The following CCDC192 variants were observed in gnomAD, a reference collection of about 807,000 sequenced individuals.
CCDC192 encodes coiled-coil domain containing 192.
At chr5:127,786,668 TC>T in intron 3 of CCDC192, 1 of 760,842 alleles carries the variant, frequency 1.3e-6, no homozygotes, top group Non-Finnish European at 2.5e-6. Flanking sequence ...TGCTTGAAAA[TC>T]AGTAATCTTC....
chr5:127,913,532 C>A (rs1206427432), intron 6 of CCDC192, among the ~76,000 whole-genome samples: 5 of 152,168 alleles, frequency 3.3e-5, no homozygotes, highest in African/African-American at 1.2e-4. Flanking sequence ...GAAGTGAGAT[C>A]AGATTTTTAA....
At chr5:127,878,665 A>G (rs1218353711) in intron 6 of CCDC192, among the ~76,000 whole-genome samples, 1 of 152,144 alleles carries the variant, frequency 6.6e-6, no homozygotes, top group Non-Finnish European at 1.5e-5. Flanking sequence ...CAAAAAATAA[A>G]ATGAAATTGC....
chr5:127,762,859 T>C (rs947076146), intron 3 of CCDC192, among the ~76,000 whole-genome samples: 10 of 152,218 alleles, frequency 6.6e-5, no homozygotes, highest in African/African-American at 2.2e-4. Flanking sequence ...ACAAATAAAT[T>C]AGTAAGTTAG....
intron 5 of CCDC192, among the ~76,000 whole-genome samples, chr5:127,825,723 G>T (rs1479453817): frequency 6.6e-6 from 1 of 152,182 alleles, no homozygotes; most frequent in East Asian, 1.9e-4. Context: ...GAGGGCCAAA[G>T]ATTTTTACTA....
intron 1 of CCDC192, among the ~76,000 whole-genome samples, chr5:127,703,988 T>C (rs1750821333): frequency 6.6e-6 from 1 of 152,274 alleles, no homozygotes; most frequent in Non-Finnish European, 1.5e-5. Context: ...CTCTAATTGA[T>C]CTGCATTTAA....
chr5:127,890,533 C>T (rs1373718211), intron 6 of CCDC192, among the ~76,000 whole-genome samples: 1 of 151,788 alleles, frequency 6.6e-6, no homozygotes, highest in African/African-American at 2.4e-5. Context: ...TTCATCTAGC[C>T]ATCTAGAGCT....
intron 6 of CCDC192, among the ~76,000 whole-genome samples, chr5:127,935,741 A>G (rs1189337138): frequency 2.6e-5 from 4 of 152,166 alleles, no homozygotes; most frequent in Admixed American, 6.5e-5. Flanking sequence ...TAACTCATTG[A>G]TTACAATTGG....
intron 6 of CCDC192, among the ~76,000 whole-genome samples, chr5:127,909,630 GA>G (rs529431358): frequency 1.8e-4 from 27 of 148,214 alleles, no homozygotes; most frequent in African/African-American, 2.7e-4. Flanking sequence ...CTAGTTAATG[GA>G]AAAAAAAAAC....
At chr5:127,791,361 T>C (rs1268660205) in intron 3 of CCDC192, among the ~76,000 whole-genome samples, 1 of 152,210 alleles carries the variant, frequency 6.6e-6, no homozygotes. Flanking sequence ...GGTACTGATA[T>C]ATTTTGGAAT....
intron 5 of CCDC192, among the ~76,000 whole-genome samples, chr5:127,847,030 C>G (rs1750584643): frequency 6.6e-6 from 1 of 152,146 alleles, no homozygotes; most frequent in South Asian, 2.1e-4. Flanking sequence ...CATCATCAAA[C>G]CAGTGTTATT....
At chr5:127,834,985 C>A (rs1191960065) in intron 5 of CCDC192, among the ~76,000 whole-genome samples, 2 of 152,006 alleles carry the variant, frequency 1.3e-5, no homozygotes, top group African/African-American at 4.8e-5. Flanking sequence ...TGAAATGGTT[C>A]CAAAACATTT....
intron 5 of CCDC192, among the ~76,000 whole-genome samples, chr5:127,802,681 A>T (rs1307190644): frequency 6.6e-6 from 1 of 152,180 alleles, no homozygotes; most frequent in East Asian, 1.9e-4. Context: ...CAAGAGAATG[A>T]TCTGATGCAG....
intron 3 of CCDC192, among the ~76,000 whole-genome samples, chr5:127,780,434 C>T (rs1043269301): frequency 6.6e-6 from 1 of 152,208 alleles, no homozygotes; most frequent in East Asian, 1.9e-4. Context: ...TTTACATTCT[C>T]ACCAGCAGTG....
At chr5:127,854,102 G>A (rs1178785955) in intron 5 of CCDC192, among the ~76,000 whole-genome samples, 2 of 152,118 alleles carry the variant, frequency 1.3e-5, no homozygotes, top group Admixed American at 6.5e-5. Flanking sequence ...TGGGTTCCAG[G>A]TCATAACACT....
intron 5 of CCDC192, among the ~76,000 whole-genome samples, chr5:127,847,849 A>ATAAG (rs1244261607): frequency 3.3e-5 from 5 of 151,262 alleles, no homozygotes; most frequent in South Asian, 4.2e-4. Flanking sequence ...AAATAAATAA[A>ATAAG]TAAATACATA....
At chr5:127,847,978 G>A (rs1750636864) in intron 5 of CCDC192, among the ~76,000 whole-genome samples, 1 of 151,978 alleles carries the variant, frequency 6.6e-6, no homozygotes. Context: ...TGTATTTTCA[G>A]TAGAGACAGG....
At chr5:127,784,475 G>A (rs534954203) in intron 3 of CCDC192, 97 of 331,192 alleles carry the variant, frequency 2.9e-4, no homozygotes, top group African/African-American at 2.0e-3. Flanking sequence ...TCTGAGACCA[G>A]CTGATGGGAG....
chr5:127,875,081 A>C (rs1934828209), intron 5 of CCDC192, among the ~76,000 whole-genome samples: 1 of 152,126 alleles, frequency 6.6e-6, no homozygotes. Flanking sequence ...GTCGTATCAC[A>C]CTTTAGAGTG....
At chr5:127,702,385 T>C (rs114276383), upstream of CCDC192, among the ~76,000 whole-genome samples, 28 of 152,356 alleles carry the variant, frequency 1.8e-4, no homozygotes, top group African/African-American at 6.7e-4. Flanking sequence ...ACTACCCATT[T>C]AGTGTTGGCT....
Sources: allele counts gnomAD v4.1 joint callset (sites outside exome capture counted in the v4.1 genomes callset), GRCh38; gene constraint gnomAD v4.1.1; transcripts MANE v1.5; gene names NCBI Gene and HGNC (gene_info 2026-07-23, HGNC 2026-07-21).